Variants in IGSF21 observed in about 807,000 individuals in gnomAD.
IGSF21 encodes the protein immunoglobin superfamily member 21.
Under a neutral mutation model 46.8 loss-of-function variants are expected in IGSF21, and 28 were observed. The observed-to-expected ratio is 0.60, with a 90% CI of 0.44 to 0.82. IGSF21 has a LOEUF of 0.82. Ranked by LOEUF, IGSF21 falls within the 40% of genes least tolerant of loss-of-function variation. The probability of loss-of-function intolerance (pLI) is 0.00; values close to 1 mark genes in which losing one functional copy is unlikely to be tolerated. For synonymous variants in IGSF21, 284 were observed against 273.6 expected (o/e 1.04, Z -0.38); for missense variants, 624 against 665.5 (o/e 0.94, Z 0.69).
chr1:18,176,879 T>C (rs182841391), intron 1 of IGSF21, among the ~76,000 whole-genome samples: 40 of 152,366 alleles, frequency 2.6e-4, no homozygotes, highest in Non-Finnish European at 5.4e-4. Flanking sequence ...CAGCTGTGAC[T>C]TTAGCAGTGC....
At chr1:18,157,619 A>C (rs1409441988) in intron 1 of IGSF21, among the ~76,000 whole-genome samples, 1 of 152,198 alleles carries the variant, frequency 6.6e-6, no homozygotes, top group East Asian at 1.9e-4. Flanking sequence ...TACACACGTT[A>C]AGCAAGACTG....
intron 2 of IGSF21, among the ~76,000 whole-genome samples, chr1:18,260,000 G>T (rs952454632): frequency 6.6e-6 from 1 of 152,204 alleles, no homozygotes; most frequent in Non-Finnish European, 1.5e-5. Context: ...ATCTCTCCAA[G>T]CCTCAGCTTT....
intron 1 of IGSF21, among the ~76,000 whole-genome samples, chr1:18,122,442 C>T (rs557015849): frequency 3.4e-4 from 51 of 151,978 alleles, no homozygotes; most frequent in African/African-American, 1.0e-3. Flanking sequence ...CTTCCTGCCT[C>T]GGCCTCCCAA....
chr1:18,244,673 C>A (rs576056413), intron 2 of IGSF21, among the ~76,000 whole-genome samples: 1 of 152,306 alleles, frequency 6.6e-6, no homozygotes, highest in African/African-American at 2.4e-5. Flanking sequence ...CACAGAGGCC[C>A]CTGCCCTGGT....
chr1:18,218,462 G>A (rs1484718923), intron 1 of IGSF21, among the ~76,000 whole-genome samples: 1 of 152,208 alleles, frequency 6.6e-6, no homozygotes, highest in African/African-American at 2.4e-5. Context: ...TCCAGCTCTG[G>A]TGAGATGAAG....
chr1:18,319,337 A>G (rs1353045230), intron 3 of IGSF21, among the ~76,000 whole-genome samples: 2 of 152,232 alleles, frequency 1.3e-5, no homozygotes, highest in African/African-American at 4.8e-5. Flanking sequence ...TAACACACCT[A>G]CTTACATCCC....
At chr1:18,172,981 T>C (rs1473377417) in intron 1 of IGSF21, among the ~76,000 whole-genome samples, 1 of 152,134 alleles carries the variant, frequency 6.6e-6, no homozygotes, top group Admixed American at 6.5e-5. Flanking sequence ...ATATAAAATT[T>C]TTCACATTTT....
chr1:18,118,182 T>C (rs2086204695), intron 1 of IGSF21, among the ~76,000 whole-genome samples: 1 of 152,204 alleles, frequency 6.6e-6, no homozygotes, highest in Non-Finnish European at 1.5e-5. Context: ...CTTTTGTTTC[T>C]CTTTCTACAG....
chr1:18,124,364 T>A (rs142000326), intron 1 of IGSF21, among the ~76,000 whole-genome samples: 223 of 152,324 alleles, frequency 1.5e-3, no homozygotes, highest in African/African-American at 5.0e-3. Flanking sequence ...GCCACTAGTA[T>A]CCTCATTTTA....
At chr1:18,159,397 G>T (rs183103507) in intron 1 of IGSF21, among the ~76,000 whole-genome samples, 53 of 152,274 alleles carry the variant, frequency 3.5e-4, no homozygotes, top group African/African-American at 1.1e-3. Flanking sequence ...GATATAGTTT[G>T]GCTGTGTCCC....
intron 3 of IGSF21, among the ~76,000 whole-genome samples, chr1:18,293,423 G>C (rs1277550094): frequency 6.6e-6 from 1 of 152,130 alleles, no homozygotes; most frequent in Non-Finnish European, 1.5e-5. Context: ...AGGTGAGTGT[G>C]CTCCCCAGGC....
intron 1 of IGSF21, among the ~76,000 whole-genome samples, chr1:18,161,634 C>T (rs1170589884): frequency 6.6e-6 from 1 of 152,118 alleles, no homozygotes; most frequent in African/African-American, 2.4e-5. Context: ...AGAGGCCTGC[C>T]AGAGTTTTCA....
rs78197981 is a variant in IGSF21, at chr1:18,344,965, G to A, written c.424+9955G>A. ...TGCAGAGGGAGGCATGGGCTGGCTG[G>A]GATCCAGGCCAGAGCTGCAGAGAAT... On this transcript the variant is annotated intron_variant, in intron 4 of 9. Transcript: ENST00000251296. 9.4e-3 allele frequency among the ~76,000 whole-genome samples: 1,436 copies of A among 152,320 alleles called. 29 individuals are homozygous for A. The highest frequency in any genetic ancestry group is 0.032 in the African/African-American group (1,321 of 41,560).
chr1:18,311,319 C>T, intron 3 of IGSF21, among the ~76,000 whole-genome samples: 1 of 152,162 alleles, frequency 6.6e-6, no homozygotes, highest in East Asian at 1.9e-4. Context: ...CAAACCCCTC[C>T]CCATCCATAA....
chr1:18,172,533 G>T (rs559065238), intron 1 of IGSF21, among the ~76,000 whole-genome samples: 1 of 152,152 alleles, frequency 6.6e-6, no homozygotes, highest in Non-Finnish European at 1.5e-5. Flanking sequence ...GTAGATGGCC[G>T]CCTTCTCACT....
At chr1:18,336,798 CA>C (rs1354933797) in intron 4 of IGSF21, among the ~76,000 whole-genome samples, 2 of 152,078 alleles carry the variant, frequency 1.3e-5, no homozygotes, top group Non-Finnish European at 2.9e-5. Flanking sequence ...GGGCAATTTG[CA>C]AAAGAAAGAG....
chr1:18,343,513 T>C (rs1036849951), intron 4 of IGSF21, among the ~76,000 whole-genome samples: 1 of 152,240 alleles, frequency 6.6e-6, no homozygotes, highest in Admixed American at 6.5e-5. Flanking sequence ...TTAAGGAGGC[T>C]TTGCCTAACT....
chr1:18,110,615 T>C (rs1557541011), intron 1 of IGSF21: 1 of 152,344 alleles, frequency 6.6e-6, no homozygotes, highest in Non-Finnish European at 1.5e-5. Context: ...GAGTCGGGTC[T>C]GGCAGGAGGA....
In IGSF21 at chr1:18,358,135, A is replaced by G. The variant is rs1447055747; in HGVS notation, c.425-3980A>G. Among the ~76,000 whole-genome samples, 4 of 152,016 alleles carry G rather than the reference A, an allele frequency of 2.6e-5. No homozygotes were observed. The East Asian group carries it at 5.8e-4, about 22-fold the overall frequency. On this transcript the variant is annotated intron_variant, in intron 4 of 9. Transcript: ENST00000251296. Reference sequence around the variant, plus strand: ...AATCCTAGCCAGGATTTGGAAGGCTAGGGGCCATTCCAGGCTCTGCCACTG... The same window carrying G: ...AATCCTAGCCAGGATTTGGAAGGCTGGGGGCCATTCCAGGCTCTGCCACTG...
Sources: allele counts gnomAD v4.1 joint callset (sites outside exome capture counted in the v4.1 genomes callset), GRCh38; gene constraint gnomAD v4.1.1; transcripts MANE v1.5; gene names NCBI Gene and HGNC (gene_info 2026-07-23, HGNC 2026-07-21).